CSMD1: variants seen among roughly 807,000 people sequenced by gnomAD.
The protein encoded by CSMD1 is CUB and sushi domain-containing protein 1.
CSMD1 carries 213 observed loss-of-function variants against 417.5 expected under a neutral mutation model. The observed-to-expected ratio is 0.51, with a 90% CI of 0.46 to 0.57. The LOEUF (loss-of-function observed/expected upper bound fraction) is 0.57, where lower values mean the gene tolerates loss of function less well. Ranked by LOEUF, CSMD1 falls within the 20% of genes least tolerant of loss-of-function variation. CSMD1 has a pLI of 0.00. For missense variants in CSMD1, 6,923 were observed against 4,529.7 expected (o/e 1.53, Z -15.17); for synonymous variants, 2,862 against 1,736.8 (o/e 1.65, Z -16.11).
chr8:3,154,622 C>G (rs563682906), intron 39 of CSMD1, among the ~76,000 whole-genome samples: 1 of 152,196 alleles, frequency 6.6e-6, no homozygotes, highest in Non-Finnish European at 1.5e-5. Context: ...TGCAGTGAGA[C>G]AGGGAGGTCC....
intron 51 of CSMD1, among the ~76,000 whole-genome samples, chr8:3,020,403 G>C (rs999293552): frequency 1.3e-5 from 2 of 152,164 alleles, no homozygotes; most frequent in Admixed American, 1.3e-4. Flanking sequence ...GTCTTGCTCT[G>C]TCACTCAGGC....
rs142200592 is a variant in CSMD1, at chr8:3,982,830, C to G, written c.818+15073G>C. ...GATTCTGAGGGGAGCACGATGGTCA[C>G]TTTCATCATTGCAGCTCTACGCATA... On this transcript the variant is annotated intron_variant, in intron 5 of 69. Transcript: ENST00000635120. Among the ~76,000 whole-genome samples, 166 of 152,322 alleles carry G rather than the reference C, an allele frequency of 1.1e-3. 1 individual carries two copies. The highest frequency in any genetic ancestry group is 3.8e-3 in the African/African-American group (158 of 41,572).
intron 1 of CSMD1, among the ~76,000 whole-genome samples, chr8:4,677,471 G>C (rs1396625465): frequency 6.6e-6 from 1 of 151,872 alleles, no homozygotes; most frequent in Non-Finnish European, 1.5e-5. Context: ...AATTTATATA[G>C]TTATTCTCTA....
At chr8:4,295,655 T>C (rs1797634578) in intron 3 of CSMD1, among the ~76,000 whole-genome samples, 1 of 144,952 alleles carries the variant, frequency 6.9e-6, no homozygotes, top group Non-Finnish European at 1.5e-5. Context: ...TATAAAAATA[T>C]AATCTTAAGA....
intron 5 of CSMD1, among the ~76,000 whole-genome samples, chr8:3,920,071 C>T (rs1809122951): frequency 6.6e-6 from 1 of 151,812 alleles, no homozygotes; most frequent in South Asian, 2.1e-4. Flanking sequence ...CTCACTCCTT[C>T]TGCCCTGGCT....
intron 26 of CSMD1, among the ~76,000 whole-genome samples, chr8:3,277,819 T>TG (rs1234855732): frequency 6.6e-6 from 1 of 152,242 alleles, no homozygotes; most frequent in Admixed American, 6.5e-5. Flanking sequence ...GTAATGGGAT[T>TG]GGGGGGATGA....
intron 3 of CSMD1, among the ~76,000 whole-genome samples, chr8:4,286,314 T>A (rs1797052875): frequency 6.6e-6 from 1 of 152,170 alleles, no homozygotes; most frequent in Non-Finnish European, 1.5e-5. Flanking sequence ...GTTGTTCTTG[T>A]CACTTTGGAA....
Position 3,804,288 on chromosome 8 carries a change from T to C in CSMD1, c.819-50246A>G, listed in dbSNP as rs372382533. Among the ~76,000 whole-genome samples the C allele has an allele frequency of 2.0e-5, 3 of 152,292 alleles. No individual in the cohort carries two copies. In the East Asian group the frequency reaches 5.8e-4, roughly 29 times the overall value. ...CATTTAACTTGCAGGTGCAGAATAC[T>C]AAAATAAATAATTTTTTTTGTGCTG... On this transcript the variant is annotated intron_variant, in intron 5 of 69. Coordinates refer to ENST00000635120, the MANE Select transcript of CSMD1 (RefSeq NM_033225.6).
At chr8:3,743,014 C>A (rs908659669) in intron 6 of CSMD1, among the ~76,000 whole-genome samples, 10 of 152,228 alleles carry the variant, frequency 6.6e-5, no homozygotes, top group South Asian at 2.1e-4. Flanking sequence ...ACCCTTGGAA[C>A]ATACGCCTAG....
intron 2 of CSMD1, among the ~76,000 whole-genome samples, chr8:4,431,608 C>A (rs1296720859): frequency 6.6e-6 from 1 of 152,000 alleles, no homozygotes; most frequent in African/African-American, 2.4e-5. Flanking sequence ...TGGCAAAAAC[C>A]AAAACCAAAA....
rs374265023 is a variant in CSMD1 at position 3,000,096 on chromosome 8, C to T, written c.8065G>A (p.Gly2689Ser). The T allele has an allele frequency of 1.9e-5, 30 of 1,573,176 alleles. No individual in the cohort carries two copies. Among genetic ancestry groups the T allele is most frequent in the East Asian group, 4.5e-5 (2 of 44,072 alleles). The change falls in exon 53 of 70, where the codon GGT becomes AGT. Residue 2689 changes from glycine (G) to serine (S), a missense_variant. Gly to Ser is a moderately conservative substitution (Grantham distance 56, BLOSUM62 0). Coordinates refer to ENST00000635120, the MANE Select transcript of CSMD1 (RefSeq NM_033225.6). ...CTGAAGCCATCTCCACTAATGTGAC[C>T]GTTCACAATCGGGTCTGGGGAACCG... ...HCGSPDPIVN[G>S]HISGDGFSYR...
chr8:4,088,728 C>G (rs1800558136), intron 3 of CSMD1, among the ~76,000 whole-genome samples: 3 of 152,098 alleles, frequency 2.0e-5, no homozygotes, highest in African/African-American at 7.2e-5. Flanking sequence ...TCTGCAGGGA[C>G]TTCTCTAAGG....
chr8:3,780,663 C>G (rs1243567968), intron 5 of CSMD1, among the ~76,000 whole-genome samples: 1 of 152,204 alleles, frequency 6.6e-6, no homozygotes, highest in Non-Finnish European at 1.5e-5. Context: ...AGCCCCTCAC[C>G]TGTGCAAACC....
At chr8:3,725,549 G>A (rs148835130) in intron 6 of CSMD1, among the ~76,000 whole-genome samples, 2 of 152,268 alleles carry the variant, frequency 1.3e-5, no homozygotes, top group African/African-American at 2.4e-5. Flanking sequence ...CCTCCCATGA[G>A]CTGCTTGTAT....
intron 10 of CSMD1, among the ~76,000 whole-genome samples, chr8:3,553,250 G>C (rs1206470313): frequency 6.6e-6 from 1 of 152,144 alleles, no homozygotes; most frequent in East Asian, 1.9e-4. Flanking sequence ...CAGTAATGTA[G>C]CCATAGTTCG....
chr8:4,271,236 G>A (rs17334856), intron 3 of CSMD1, among the ~76,000 whole-genome samples: 12,205 of 152,204 alleles, frequency 0.08, 605 homozygotes, highest in Non-Finnish European at 0.12. Flanking sequence ...ACACGAATCA[G>A]GGCGTAGTGG....
chr8:3,391,992 A>T (rs915804942), intron 17 of CSMD1, among the ~76,000 whole-genome samples: 1 of 151,986 alleles, frequency 6.6e-6, no homozygotes, highest in African/African-American at 2.4e-5. Flanking sequence ...CATTCTCAGC[A>T]AACTATCACA....
chr8:4,907,300 T>C (rs1190691927), intron 1 of CSMD1, among the ~76,000 whole-genome samples: 3 of 152,184 alleles, frequency 2.0e-5, no homozygotes, highest in Non-Finnish European at 2.9e-5. Flanking sequence ...ATTTCTACTA[T>C]AAAAGCCAAA....
intron 2 of CSMD1, among the ~76,000 whole-genome samples, chr8:4,474,820 C>A (rs1393574280): frequency 6.6e-6 from 1 of 152,180 alleles, no homozygotes; most frequent in African/African-American, 2.4e-5. Context: ...TTTGTGACCC[C>A]TTCCACTTAA....
Sources: allele counts gnomAD v4.1 joint callset (sites outside exome capture counted in the v4.1 genomes callset), GRCh38; gene constraint gnomAD v4.1.1; transcripts MANE v1.5; gene names NCBI Gene and HGNC (gene_info 2026-07-23, HGNC 2026-07-21).